Variants in ARHGAP32 observed in about 807,000 individuals in gnomAD.
ARHGAP32 encodes rho GTPase-activating protein 32.
In ARHGAP32, 51 loss-of-function variants were observed where a neutral mutation model predicts 186.5. The observed-to-expected ratio is 0.27, with a 90% CI of 0.22 to 0.35. ARHGAP32 has a LOEUF of 0.35. ARHGAP32 is among the 10% of genes least tolerant of loss of function. ARHGAP32 has a pLI of 1.00. For synonymous variants in ARHGAP32, 950 were observed against 964.3 expected (o/e 0.99, Z 0.27); for missense variants, 2,186 against 2,623.5 (o/e 0.83, Z 3.64).
At chr11:129,067,599 G>A (rs1265588333) in intron 6 of ARHGAP32, among the ~76,000 whole-genome samples, 6 of 151,874 alleles carry the variant, frequency 4.0e-5, no homozygotes, top group African/African-American at 1.5e-4. Flanking sequence ...ACAAAATACA[G>A]AGTTTATCAG....
intron 9 of ARHGAP32, 47 bp downstream of exon 9, chr11:129,063,855 G>A (rs1265457659): frequency 2.6e-6 from 4 of 1,566,458 alleles, no homozygotes; most frequent in Non-Finnish European, 2.6e-6. Context: ...GATGAGGCCA[G>A]AAAGTTAGCA....
At chr11:129,063,129 A>G (rs899364350) in intron 9 of ARHGAP32, among the ~76,000 whole-genome samples, 7 of 152,168 alleles carry the variant, frequency 4.6e-5, no homozygotes, top group African/African-American at 1.7e-4. Context: ...TATACTATAG[A>G]GCTTTAGGAA....
rs990323512 is a variant in ARHGAP32 at position 128,971,025 on chromosome 11, C to T, written c.4188G>A (p.Leu1396=). 4.3e-6 allele frequency: 7 copies of T among 1,613,952 alleles called. No individual in the cohort carries two copies. Among genetic ancestry groups the T allele is most frequent in the Middle Eastern group, 1.6e-4 (1 of 6,062 alleles). ...CPMATAVQPG[L]PEKVRDGARV... The stretch of plus-strand genomic sequence containing the variant: ...GGGCACCGTCCCGCACTTTCTCAGG[C>T]AGGCCTGGCTGGACAGCTGTAGCCA... The change falls in exon 23 of 23, where the codon CTG becomes CTA. Residue 1396 remains leucine (L), a synonymous_variant. Transcript: ENST00000682385.
chr11:129,140,892 TC>T (rs1943036589), intron 2 of ARHGAP32, among the ~76,000 whole-genome samples: 2 of 152,182 alleles, frequency 1.3e-5, no homozygotes, highest in African/African-American at 4.8e-5. Context: ...AAAATTTAAT[TC>T]CTTTCCCTTT....
At chr11:129,132,698 G>T (rs1433402602) in intron 2 of ARHGAP32, among the ~76,000 whole-genome samples, 2 of 152,070 alleles carry the variant, frequency 1.3e-5, no homozygotes, top group African/African-American at 4.8e-5. Flanking sequence ...AAAATTACTA[G>T]CTATATCAAA....
intron 1 of ARHGAP32, among the ~76,000 whole-genome samples, chr11:129,228,263 TA>T (rs1371795991): frequency 1.3e-5 from 2 of 152,120 alleles, no homozygotes; most frequent in Admixed American, 6.6e-5. Flanking sequence ...GCCTGTATTT[TA>T]AAAAGTAGAA....
At chr11:129,174,790 G>C (rs1943873613) in intron 1 of ARHGAP32, among the ~76,000 whole-genome samples, 1 of 151,840 alleles carries the variant, frequency 6.6e-6, no homozygotes, top group African/African-American at 2.4e-5. Context: ...AAACCCATCT[G>C]TACATCACCA....
rs1375222690 is a variant in ARHGAP32, at chr11:129,185,465, G to A, written c.116+6618C>T. Among the ~76,000 whole-genome samples the A allele has an allele frequency of 2.0e-5, 3 of 152,174 alleles. No homozygotes were observed. The South Asian group carries it at 6.2e-4, about 31-fold the overall frequency. ...CAGGGACTGTTGTGGGGTGAGGGGAGAGGAGAGGGATAGCATTAGGAGATA... is the reference window on the plus strand; with the variant it reads ...CAGGGACTGTTGTGGGGTGAGGGGAAAGGAGAGGGATAGCATTAGGAGATA... On this transcript the variant is annotated intron_variant, in intron 1 of 22. Transcript: ENST00000682385.
At chr11:128,973,777 G>A (rs1305747893) in intron 21 of ARHGAP32, 1 of 506,788 alleles carries the variant, frequency 2.0e-6, no homozygotes, top group Non-Finnish European at 3.4e-6. Context: ...ACATTTGATG[G>A]TGTAGCTGGC....
upstream of ARHGAP32, among the ~76,000 whole-genome samples, chr11:129,195,934 C>G (rs1035375179): frequency 3.3e-5 from 5 of 152,136 alleles, 1 homozygote; most frequent in Non-Finnish European, 4.4e-5. Context: ...TCCTTTTCTT[C>G]CTGATTTGTT....
At chr11:128,976,053 G>C (rs73579316) in intron 20 of ARHGAP32, among the ~76,000 whole-genome samples, 1,692 of 148,176 alleles carry the variant, frequency 0.011, 30 homozygotes, top group African/African-American at 0.039. Flanking sequence ...CTCCAAACTG[G>C]GCAACAAAGC....
chr11:129,091,130 C>T (rs1482050954), intron 6 of ARHGAP32, among the ~76,000 whole-genome samples: 1 of 152,066 alleles, frequency 6.6e-6, no homozygotes, highest in Non-Finnish European at 1.5e-5. Flanking sequence ...ACCTATTATT[C>T]AAGACATCTT....
intron 11 of ARHGAP32, among the ~76,000 whole-genome samples, chr11:129,004,245 CTTT>C (rs71057919): frequency 7.6e-4 from 89 of 116,366 alleles, no homozygotes; most frequent in African/African-American, 2.8e-3. Flanking sequence ...CAATGCTTTC[CTTT>C]TTTTTTTTTT....
intron 1 of ARHGAP32, among the ~76,000 whole-genome samples, chr11:129,186,766 T>C (rs185171385): frequency 6.6e-6 from 1 of 152,242 alleles, no homozygotes; most frequent in African/African-American, 2.4e-5. Context: ...GAAAAAGTGC[T>C]CAACATCACT....
In ARHGAP32 at chr11:128,975,538, A is replaced by G. The variant is rs149644360; in HGVS notation, c.2195-536T>C. On this transcript the variant is annotated intron_variant, in intron 20 of 22. Coordinates refer to ENST00000682385, the MANE Select transcript of ARHGAP32 (RefSeq NM_001378024.1). ...AAAGTATTTACATATATTTAGTAAA[A>G]AATTCCTTTCAGATACTAAACAAGA... is the stretch of plus-strand genomic sequence containing the variant. Among the ~76,000 whole-genome samples, 303 of 152,270 alleles carry G rather than the reference A, an allele frequency of 2.0e-3. 2 individuals carry two copies. Among genetic ancestry groups the G allele is most frequent in the African/African-American group, 6.8e-3 (283 of 41,552 alleles).
intron 5 of ARHGAP32, among the ~76,000 whole-genome samples, chr11:129,113,137 CTCGTGGTGTT>C (rs1477272100): frequency 6.6e-6 from 1 of 152,066 alleles, no homozygotes; most frequent in East Asian, 1.9e-4. Context: ...TTGTATGAGT[CTCGTGGTGTT>C]ATTCAAGGTT....
At position 128,981,941 on chromosome 11, in the gene ARHGAP32, A is replaced by G; in HGVS notation, c.1527-5T>C. 6.5e-7 allele frequency: 1 copy of G among 1,548,482 alleles called. No homozygotes were observed. The highest frequency in any genetic ancestry group is 8.9e-7 in the Non-Finnish European group (1 of 1,124,642). ...CTCATCAGGAACTCCAGTGTTCTGG[A>G]AATAAAATACAACATATTAACAGAA... On this transcript the variant is annotated splice_polypyrimidine_tract_variant and splice_region_variant and intron_variant, in intron 15 of 22. Coordinates refer to ENST00000682385, the MANE Select transcript of ARHGAP32 (RefSeq NM_001378024.1).
chr11:129,182,270 T>G (rs1006760298), intron 1 of ARHGAP32, among the ~76,000 whole-genome samples: 1 of 152,120 alleles, frequency 6.6e-6, no homozygotes, highest in Non-Finnish European at 1.5e-5. Context: ...TGTACAAATA[T>G]ATCTGAAAAA....
chr11:128,979,197 T>C (rs1312432369), intron 18 of ARHGAP32, among the ~76,000 whole-genome samples: 1 of 151,960 alleles, frequency 6.6e-6, no homozygotes, highest in Non-Finnish European at 1.5e-5. Flanking sequence ...GAAAAATAAG[T>C]GAAAATAAGA....
Sources: gnomAD v4.1 joint callset for allele counts (sites outside exome capture counted in the v4.1 genomes callset) on GRCh38, gnomAD v4.1.1 for gene constraint, MANE v1.5 for transcripts, NCBI Gene and HGNC (gene_info 2026-07-23, HGNC 2026-07-21) for gene names.